Variants in ZCRB1 observed in about 807,000 individuals in gnomAD.
The protein encoded by ZCRB1 is zinc finger CCHC-type and RNA binding motif containing 1, also known as zinc finger CCHC-type and RNA-binding motif-containing protein 1.
In ZCRB1, 21 loss-of-function variants were observed where a neutral mutation model predicts 29.9. The observed-to-expected ratio is 0.70, with a 90% CI of 0.50 to 1.01. ZCRB1 has a LOEUF of 1.01. Ranked by LOEUF, ZCRB1 falls within the 50% of genes least tolerant of loss-of-function variation. The pLI is 0.00. For missense variants in ZCRB1, 204 were observed against 253.3 expected (o/e 0.81, Z 1.32); for synonymous variants, 77 against 80.0 (o/e 0.96, Z 0.20).
chr12:42,317,355 C>G lies in ZCRB1; in HGVS notation c.318G>C (p.Lys106Asn). The G allele has an allele frequency of 6.2e-7, 1 of 1,611,236 alleles. No homozygotes were observed. The change falls in exon 5 of 8, where the codon AAG becomes AAC. Residue 106 changes from lysine to asparagine, a missense_variant. Transcript: ENST00000266529. ...GTTTACTTACCCCACATTCATAACA[C>G]TTAGATTTATCAAAGTAGTTTCGCC... ...IRRRNYFDKS[K>N]CYECGESGHL...
intron 5 of ZCRB1, among the ~76,000 whole-genome samples, chr12:42,314,514 G>A (rs1050400953): frequency 1.3e-4 from 20 of 150,924 alleles, no homozygotes; most frequent in African/African-American, 4.6e-4. Flanking sequence ...CCCAGGAGGT[G>A]GAGGTTGCAG....
At chr12:42,314,081 T>C in intron 5 of ZCRB1, 95 bp from the exon 6 acceptor site, 1 of 1,313,142 alleles carries the variant, frequency 7.6e-7, no homozygotes, top group Non-Finnish European at 1.0e-6. Flanking sequence ...AGTTTTCAAA[T>C]TTAAAAAGGA....
intron 3 of ZCRB1, among the ~76,000 whole-genome samples, chr12:42,319,202 CTT>C (rs1435389301): frequency 6.6e-6 from 1 of 152,084 alleles, no homozygotes; most frequent in Non-Finnish European, 1.5e-5. Context: ...TCTGTTGCCT[CTT>C]TTCCAATTCC....
chr12:42,313,362 T>G (rs1417121303), intron 7 of ZCRB1, among the ~76,000 whole-genome samples, 164 bp from the exon 8 acceptor site: 2 of 152,178 alleles, frequency 1.3e-5, no homozygotes, highest in Non-Finnish European at 2.9e-5. Flanking sequence ...CTGTCTCATC[T>G]CAAAATCTTA....
intron 5 of ZCRB1, 91 bp from the exon 6 acceptor site, chr12:42,314,077 C>G: frequency 7.3e-7 from 1 of 1,370,160 alleles, no homozygotes; most frequent in Non-Finnish European, 9.8e-7. Context: ...AAAAAGTTTT[C>G]AAATTTAAAA....
At chr12:42,316,173 C>T (rs1246546219) in intron 5 of ZCRB1, among the ~76,000 whole-genome samples, 1 of 152,166 alleles carries the variant, frequency 6.6e-6, no homozygotes, top group African/African-American at 2.4e-5. Flanking sequence ...CGGCTCACTG[C>T]AACCTCCACC....
At chr12:42,323,814 G>A in intron 2 of ZCRB1, 1 of 554,552 alleles carries the variant, frequency 1.8e-6, no homozygotes, top group South Asian at 2.1e-5. Flanking sequence ...TTGGGAGGAT[G>A]AGGTGGGAGG....
intron 1 of ZCRB1, among the ~76,000 whole-genome samples, chr12:42,324,399 C>T (rs1489491339): frequency 3.9e-5 from 6 of 152,192 alleles, no homozygotes; most frequent in Non-Finnish European, 7.4e-5. Context: ...CCACCTGCCT[C>T]AGCCTCCCAA....
At chr12:42,314,596 C>T (rs1270559654) in intron 5 of ZCRB1, among the ~76,000 whole-genome samples, 1 of 145,766 alleles carries the variant, frequency 6.9e-6, no homozygotes, top group Non-Finnish European at 1.5e-5. Flanking sequence ...AAAAAAAAAT[C>T]AAAATTTAAA....
intron 2 of ZCRB1, 81 bp downstream of exon 2, chr12:42,323,938 A>G (rs2068634731): frequency 1.5e-6 from 2 of 1,294,676 alleles, no homozygotes; most frequent in Admixed American, 2.0e-5. Context: ...AAAAAAAAGG[A>G]AAAAAGAATT....
At chr12:42,322,330 AT>A in intron 3 of ZCRB1, 87 bp downstream of exon 3, 1 of 1,236,956 alleles carries the variant, frequency 8.1e-7, no homozygotes, top group Non-Finnish European at 1.1e-6. Context: ...AGCATGTTTT[AT>A]TTTTAAAAAT....
At chr12:42,313,319 C>T (rs2137526657) in intron 7 of ZCRB1, 121 bp from the exon 8 acceptor site, 3 of 1,088,920 alleles carry the variant, frequency 2.8e-6, no homozygotes, top group Non-Finnish European at 3.8e-6. Context: ...CCAGTCCATG[C>T]AGACAATAAG....
At chr12:42,317,515 T>G in intron 4 of ZCRB1, 68 bp from the exon 5 acceptor site, 1 of 1,305,588 alleles carries the variant, frequency 7.7e-7, no homozygotes, top group Non-Finnish European at 1.0e-6. Context: ...ATTTAATCAA[T>G]TTTCTCAAAT....
intron 3 of ZCRB1, among the ~76,000 whole-genome samples, chr12:42,321,902 C>T (rs1254998512): frequency 1.3e-5 from 2 of 152,134 alleles, no homozygotes. Flanking sequence ...TCATCCATTA[C>T]CATTTTTGCA....
At chr12:42,314,347 G>A (rs1214656555) in intron 5 of ZCRB1, among the ~76,000 whole-genome samples, 1 of 134,202 alleles carries the variant, frequency 7.5e-6, no homozygotes, top group East Asian at 2.3e-4. Flanking sequence ...ATCACCTGAG[G>A]TCTGGAGTTT....
At chr12:42,320,071 A>C (rs935393772) in intron 3 of ZCRB1, among the ~76,000 whole-genome samples, 2 of 152,216 alleles carry the variant, frequency 1.3e-5, no homozygotes, top group African/African-American at 4.8e-5. Flanking sequence ...TTAAAAGGAC[A>C]AATCTACTGT....
chr12:42,324,345 AC>A (rs1286010236), intron 1 of ZCRB1, among the ~76,000 whole-genome samples: 1 of 152,072 alleles, frequency 6.6e-6, no homozygotes, highest in African/African-American at 2.4e-5. Context: ...ACAGTGTTTC[AC>A]CATGTTGGTC....
In ZCRB1 at chr12:42,324,085, A is replaced by T. The variant is rs2068635775; in HGVS notation, c.18T>A (p.Ala6=). Reference sequence around the variant, plus strand: ...ATACATACACTGTGCTCTTACTTGGAGCCAATCCACCACTCATTTCTAAAA... The same window carrying T: ...ATACATACACTGTGCTCTTACTTGGTGCCAATCCACCACTCATTTCTAAAA... The part of the protein sequence containing the change: MSGGL[A]PSKSTVYVSN... Residue 6 remains alanine (A), a synonymous_variant, in exon 2 of 8, where the codon GCT becomes GCA. Transcript: ENST00000266529. 3.1e-6 allele frequency: 5 copies of T among 1,614,188 alleles called. No homozygotes were observed. Among genetic ancestry groups the T allele is most frequent in the Non-Finnish European group, 4.2e-6 (5 of 1,180,008 alleles).
rs1272499711 is a variant in ZCRB1, at chr12:42,313,924, C to G, written c.396G>C (p.Lys132Asn). Residue 132 changes from lysine (K) to asparagine (N), a missense_variant, in exon 6 of 8, where the codon AAG (lysine) becomes AAC (asparagine). Lys to Asn is a moderately conservative substitution (Grantham distance 94). Coordinates refer to ENST00000266529, the MANE Select transcript of ZCRB1 (RefSeq NM_033114.4). ...TCTTTTTTTTCTTTTTTTCTTTCTT[C>G]TTTGGAGGCTCACGTTCTCCGAGCA... The part of the protein sequence containing the change: ...KNMLGEREPP[K>N]KKEKKKKKKA... The G allele has an allele frequency of 6.2e-7, 1 of 1,603,582 alleles. No individual in the cohort carries two copies.
Sources: gnomAD v4.1 joint callset for allele counts (sites outside exome capture counted in the v4.1 genomes callset) on GRCh38, gnomAD v4.1.1 for gene constraint, MANE v1.5 for transcripts, NCBI Gene and HGNC (gene_info 2026-07-23, HGNC 2026-07-21) for gene names.